ZFP36L1: variants seen among roughly 807,000 people sequenced by gnomAD.
ZFP36L1 encodes mRNA decay activator protein ZFP36L1.
A neutral mutation model predicts 16.7 loss-of-function variants in ZFP36L1; 4 were observed. The ratio of observed to expected loss-of-function variants is 0.24; its 90% CI spans 0.12 to 0.55. ZFP36L1 has a LOEUF of 0.55. Among genes scored for constraint, ZFP36L1 ranks in the 20% least tolerant of loss-of-function variants. The probability of loss-of-function intolerance (pLI) is 0.94; values close to 1 mark genes in which losing one functional copy is unlikely to be tolerated. For synonymous variants in ZFP36L1, 220 were observed against 190.8 expected, an observed-to-expected ratio of 1.15 and a Z score of -1.26; for missense variants, 311 against 449.2, an observed-to-expected ratio of 0.69 and a Z score of 2.78.
At chr14:68,793,432 C>T (rs1201525824), upstream of ZFP36L1, 1 of 996,178 alleles carries the variant, frequency 1.0e-6, no homozygotes, top group African/African-American at 1.7e-5. Context: ...GGGCGCGCCC[C>T]CTCCTTTGTC....
upstream of ZFP36L1, chr14:68,795,884 G>A: frequency 1.4e-6 from 1 of 697,674 alleles, no homozygotes; most frequent in Non-Finnish European, 2.4e-6. Flanking sequence ...GCCGCGGTGA[G>A]GGCCCGAGGG....
chr14:68,793,026 T>G lies in ZFP36L1; in HGVS notation c.-88A>C. ...AAGGCGCAGCCTCTCCTGTCTGGAGTCCCACACGCCAGTTCCCGGCGCCCC... is the reference window on the plus strand; with the variant it reads ...AAGGCGCAGCCTCTCCTGTCTGGAGGCCCACACGCCAGTTCCCGGCGCCCC... On this transcript the variant is annotated 5_prime_UTR_variant, in exon 1 of 2. Transcript: ENST00000439696. 8 of 1,604,480 alleles carry G rather than the reference T, an allele frequency of 5.0e-6. No individual in the cohort carries two copies. The highest frequency in any genetic ancestry group is 6.8e-6 in the Non-Finnish European group (8 of 1,178,108).
Position 68,793,067 on chromosome 14 carries a change from C to T in ZFP36L1, c.-129G>A. 1 of 1,580,282 alleles carries T rather than the reference C, an allele frequency of 6.3e-7. No homozygotes were observed. The highest frequency in any genetic ancestry group is 8.6e-7 in the Non-Finnish European group (1 of 1,168,244). ...CCGGCGCCCCTCGCCTTTCTGACTC[C>T]GGGCTGGGGCGCGCAAAGCCCAATT... On this transcript the variant is annotated 5_prime_UTR_variant, in exon 1 of 2. Transcript: ENST00000439696.
chr14:68,792,803 A>C (rs555815184), intron 1 of ZFP36L1, 79 bp downstream of exon 1: 1 of 1,591,112 alleles, frequency 6.3e-7, no homozygotes, highest in East Asian at 2.2e-5. Flanking sequence ...TTGCCTTCCA[A>C]GACCCAAACT....
At chr14:68,792,679 T>C (rs1594718336) in intron 1 of ZFP36L1, among the ~76,000 whole-genome samples, 1 of 151,794 alleles carries the variant, frequency 6.6e-6, no homozygotes, top group South Asian at 2.1e-4. Flanking sequence ...TCACATGTAA[T>C]CCCCGCCAGC....
In ZFP36L1 at chr14:68,789,695, G is replaced by A. The variant is rs1031264419; in HGVS notation, c.855C>T (p.Ser285=). The A allele has an allele frequency of 2.5e-6, 4 of 1,614,086 alleles. No homozygotes were observed. The highest frequency in any genetic ancestry group is 3.4e-6 in the Non-Finnish European group (4 of 1,179,982). Residue 285 remains serine, a synonymous_variant, in exon 2 of 2, where the codon TCC becomes TCT. Coordinates refer to ENST00000439696, the MANE Select transcript of ZFP36L1 (RefSeq NM_004926.4). The surrounding 1 kb of genome is among the most constrained non-coding windows in gnomAD (Gnocchi z 4.5). The stretch of plus-strand genomic sequence containing the variant: ...TGGGGGGAGAGTCAAACATGTGAGG[G>A]GACTCGGACATGGGCCGGAAGAGGA... ...TTFLFRPMSE[S]PHMFDSPPSP...
chr14:68,796,145 C>T (rs1176423196), upstream of ZFP36L1: 8 of 1,366,252 alleles, frequency 5.9e-6, no homozygotes, highest in Non-Finnish European at 7.8e-6. Context: ...CCGGGCCCTC[C>T]CCATTCGCCT....
intron 1 of ZFP36L1, among the ~76,000 whole-genome samples, chr14:68,792,043 A>T (rs1303273120): frequency 6.6e-6 from 1 of 152,220 alleles, no homozygotes; most frequent in Admixed American, 6.5e-5. Context: ...TGCTATGTAC[A>T]TTTAAACCGC....
intron 1 of ZFP36L1, among the ~76,000 whole-genome samples, chr14:68,791,882 A>T (rs539014877): frequency 6.6e-6 from 1 of 152,354 alleles, no homozygotes; most frequent in East Asian, 1.9e-4. Flanking sequence ...CTGCACCAAC[A>T]GGAGCAGCAA....
At chr14:68,793,514 T>C, upstream of ZFP36L1, 1 of 986,162 alleles carries the variant, frequency 1.0e-6, no homozygotes, top group Non-Finnish European at 1.2e-6. Flanking sequence ...TTGTTGTTTT[T>C]TGTTGGGCAG....
At chr14:68,792,654 C>A (rs1021015641) in intron 1 of ZFP36L1, among the ~76,000 whole-genome samples, 2 of 152,214 alleles carry the variant, frequency 1.3e-5, no homozygotes, top group African/African-American at 2.4e-5. Context: ...CCCCTCAAAA[C>A]CCTGGCCTCC....
upstream of ZFP36L1, chr14:68,794,399 T>G (rs1245586432): frequency 6.6e-6 from 1 of 152,146 alleles, no homozygotes; most frequent in African/African-American, 2.4e-5. Flanking sequence ...TGATAAAATA[T>G]ATACTGTTAG....
rs769462022 is a variant in ZFP36L1, at chr14:68,790,237, G to T, written c.313C>A (p.Pro105Thr). The change falls in exon 2 of 2, where the codon CCC (proline) becomes ACC (threonine). Residue 105 changes from proline to threonine, a missense_variant. Around this residue, in one of 4 missense-constraint regions of ZFP36L1, gnomAD observed 137 missense variants for 142.6 expected, o/e 0.96. Coordinates refer to ENST00000439696, the MANE Select transcript of ZFP36L1 (RefSeq NM_004926.4). ...CTGGAGTTGACCTGGCCGCCCCCGG[G>T]CTGCTTCTGGGTGGGCAGCAGCCGC... ...GERLLPTQKQ[P>T]GGGQVNSSRY... 1 of 1,612,236 alleles carries T rather than the reference G, an allele frequency of 6.2e-7. No individual in the cohort carries two copies. The highest frequency in any genetic ancestry group is 1.1e-5 in the South Asian group (1 of 91,074).
At chr14:68,795,354 C>G (rs1306556160), upstream of ZFP36L1, among the ~76,000 whole-genome samples, 1 of 141,524 alleles carries the variant, frequency 7.1e-6, no homozygotes, top group Non-Finnish European at 1.6e-5. Flanking sequence ...GTCTTTAACT[C>G]CCGAGGGTTC....
chr14:68,795,983 G>A, upstream of ZFP36L1: 1 of 1,323,126 alleles, frequency 7.6e-7, no homozygotes, highest in South Asian at 1.2e-5. Flanking sequence ...AGGCCGAGGC[G>A]AGGCGTGCGT....
At chr14:68,795,166 G>A (rs894511989), upstream of ZFP36L1, among the ~76,000 whole-genome samples, 2 of 152,182 alleles carry the variant, frequency 1.3e-5, no homozygotes, top group African/African-American at 4.8e-5. Flanking sequence ...GAGAGATTTC[G>A]TGCAGTTTCT....
At position 68,787,901 on chromosome 14, in the gene ZFP36L1, G is replaced by A. The variant is rs1894955653; in HGVS notation, c.*1632C>T. 1 of 151,456 alleles carries A rather than the reference G, an allele frequency of 6.6e-6. No individual in the cohort carries two copies. Among genetic ancestry groups the A allele is most frequent in the South Asian group, 2.1e-4 (1 of 4,792 alleles). The allele number at this position is 151,456 out of a possible 1,614,324, so 9.4% of individuals were successfully genotyped here. A position where few individuals can be genotyped will look rare whatever the true frequency, so the allele number is the denominator to read the frequency against. Reference sequence around the variant, plus strand: ...CAAATCTGTGAGTGGAATGTCTTGAGATGGGCACGTGGAAGTCAAAGGGTT... The same window carrying A: ...CAAATCTGTGAGTGGAATGTCTTGAAATGGGCACGTGGAAGTCAAAGGGTT... On this transcript the variant is annotated 3_prime_UTR_variant, in exon 2 of 2. Transcript: ENST00000439696.
At chr14:68,795,938 CA>C, upstream of ZFP36L1, 1 of 1,202,570 alleles carries the variant, frequency 8.3e-7, no homozygotes, top group Non-Finnish European at 1.1e-6. Context: ...GACAGGTGCC[CA>C]GGGGTGGCGG....
Position 68,792,876 on chromosome 14 carries a change from C to A in ZFP36L1, c.57+6G>T, listed in dbSNP as rs752368458. On this transcript the variant is annotated splice_donor_region_variant and intron_variant, in intron 1 of 1. Transcript: ENST00000439696. ...TTTGAAAAGCAAATGCTCCGCCCCC[C>A]TTTACCTTGCATAAAACTTCGCTCA... 1.2e-6 allele frequency: 2 copies of A among 1,614,134 alleles called. No homozygotes were observed. Among genetic ancestry groups the A allele is most frequent in the South Asian group, 1.1e-5 (1 of 91,086 alleles).
Sources: gnomAD v4.1 joint callset for allele counts (sites outside exome capture counted in the v4.1 genomes callset) on GRCh38, gnomAD v4.1.1 for gene constraint, gnomAD v4.1.1 regional missense constraint, Gnocchi (gnomAD v3.1) non-coding constraint, MANE v1.5 for transcripts, NCBI Gene and HGNC (gene_info 2026-07-23, HGNC 2026-07-21) for gene names.